The following PPDPFL variants were observed in gnomAD, a reference collection of about 807,000 sequenced individuals.
PPDPFL encodes pancreatic progenitor cell differentiation and proliferation factor-like protein.
A neutral mutation model predicts 12.6 loss-of-function variants in PPDPFL; 12 were observed. That is an observed-to-expected ratio of 0.95 (90% CI 0.61 to 1.54). The LOEUF (loss-of-function observed/expected upper bound fraction) is 1.54, where lower values mean the gene tolerates loss of function less well. Among genes scored for constraint, PPDPFL ranks in the 40% most tolerant of loss-of-function variants. PPDPFL has a pLI of 0.00. For synonymous variants in PPDPFL, 24 were observed against 32.7 expected, an observed-to-expected ratio of 0.73 and a Z score of 0.91; for missense variants, 114 against 96.0, an observed-to-expected ratio of 1.19 and a Z score of -0.78.
upstream of PPDPFL, among the ~76,000 whole-genome samples, chr8:49,067,827 C>A (rs1027945139): frequency 1.3e-5 from 2 of 152,152 alleles, no homozygotes; most frequent in Non-Finnish European, 2.9e-5. Flanking sequence ...AGGACAGCTC[C>A]ATTTTCCCTG....
At chr8:49,072,962 T>A (rs983455155) in intron 2 of PPDPFL, 77 bp downstream of exon 2, 4 of 1,277,130 alleles carry the variant, frequency 3.1e-6, no homozygotes, top group Non-Finnish European at 4.5e-6. Context: ...TTAACACAGG[T>A]ATCATGTTAC....
In PPDPFL at chr8:49,056,804, G is replaced by A. The variant is rs1217478619; in HGVS notation, c.-45+2435G>A. Among the ~76,000 whole-genome samples the A allele has an allele frequency of 3.3e-5, 5 of 152,206 alleles. No homozygotes were observed. In the East Asian group the frequency reaches 5.8e-4, roughly 18 times the overall value. The stretch of plus-strand genomic sequence containing the variant: ...TCCATTTTGTGATAGATAGAAATAC[G>A]ACAATCAGTTATCCTTTGGTATTTT... On this transcript the variant is annotated intron_variant, in intron 1 of 4. Transcript: ENST00000517663.
At chr8:49,054,962 G>A (rs1808090037) in intron 1 of PPDPFL, among the ~76,000 whole-genome samples, 1 of 152,110 alleles carries the variant, frequency 6.6e-6, no homozygotes, top group African/African-American at 2.4e-5. Flanking sequence ...TTCCGTGTGT[G>A]CTTTTAATTC....
upstream of PPDPFL, among the ~76,000 whole-genome samples, chr8:49,068,073 C>T (rs1808327318): frequency 6.6e-6 from 1 of 151,880 alleles, no homozygotes; most frequent in Non-Finnish European, 1.5e-5. Flanking sequence ...TAATTATTAC[C>T]CGAGGATGTA....
chr8:49,069,691 C>G (rs758527667), upstream of PPDPFL, among the ~76,000 whole-genome samples: 2 of 152,186 alleles, frequency 1.3e-5, no homozygotes, highest in Non-Finnish European at 2.9e-5. Flanking sequence ...AATCTCAGCA[C>G]TTTGGGAGGC....
chr8:49,075,534 G>A lies in PPDPFL; in HGVS notation c.*361G>A. ...TTAAAGTAATATGTCTTCAAATGTT[G>A]TGACTTACATAAAGTAGCTCTTTCA... is the stretch of plus-strand genomic sequence containing the variant. On this transcript the variant is annotated 3_prime_UTR_variant, in exon 5 of 5. Coordinates refer to ENST00000522267, the MANE Select transcript of PPDPFL (RefSeq NM_001256597.2). 2 of 495,356 alleles carry A rather than the reference G, an allele frequency of 4.0e-6. No homozygotes were observed. Among genetic ancestry groups the A allele is most frequent in the South Asian group, 5.7e-5 (2 of 35,180 alleles). 30.7% of individuals were successfully genotyped at this position (495,356 alleles called of 1,614,324 possible).
chr8:49,062,855 G>A (rs1298586439), intron 1 of PPDPFL, among the ~76,000 whole-genome samples: 17 of 152,160 alleles, frequency 1.1e-4, no homozygotes, highest in Admixed American at 1.1e-3. Context: ...AAATATTCAT[G>A]ATCTCTGGCC....
In PPDPFL at chr8:49,074,558, A is replaced by ATT. The variant is rs376597217; in HGVS notation, c.233+225_233+226insTT. 1.2e-4 allele frequency: 189 copies of ATT among 1,536,432 alleles called. 1 individual carries two copies. In the South Asian group the frequency reaches 2.1e-3, roughly 17 times the overall value. On this transcript the variant is annotated intron_variant, in intron 4 of 4. Coordinates refer to ENST00000522267, the MANE Select transcript of PPDPFL (RefSeq NM_001256597.2). ...ACCCTTTCCAGTTCAATCACTCAAG[A>ATT]GTGGTGGAGAAGTCATATGCCAAAC...
chr8:49,062,447 C>T (rs996495876), intron 1 of PPDPFL, among the ~76,000 whole-genome samples: 1 of 152,056 alleles, frequency 6.6e-6, no homozygotes, highest in African/African-American at 2.4e-5. Context: ...AGTGGGTGTC[C>T]TACTTAAGCT....
At chr8:49,065,813 A>C (rs1017621441) in intron 1 of PPDPFL, among the ~76,000 whole-genome samples, 1 of 152,224 alleles carries the variant, frequency 6.6e-6, no homozygotes. Context: ...GCAGCCCGGC[A>C]TCTGAAGACC....
At chr8:49,066,460 G>T (rs1808301482) in intron 1 of PPDPFL, among the ~76,000 whole-genome samples, 2 of 152,056 alleles carry the variant, frequency 1.3e-5, no homozygotes, top group South Asian at 2.1e-4. Context: ...TCTAAGCCTG[G>T]ATTTTTCCTG....
chr8:49,068,139 T>TA (rs1293047068), upstream of PPDPFL, among the ~76,000 whole-genome samples: 9 of 152,240 alleles, frequency 5.9e-5, no homozygotes, highest in Non-Finnish European at 1.2e-4. Context: ...TTTTAGAACC[T>TA]AAACTACCAT....
rs1250756521 is a variant in PPDPFL at position 49,074,218 on chromosome 8, G to A, written c.134-16G>A. 2 of 1,612,020 alleles carry A rather than the reference G, an allele frequency of 1.2e-6. No homozygotes were observed. Among genetic ancestry groups the A allele is most frequent in the Non-Finnish European group, 1.7e-6 (2 of 1,178,206 alleles). ...AAATTTGTTTGATAAGGAGTAACATGAATTTTATTTAATAGGGTTGCCTGA... is the reference window on the plus strand; with the variant it reads ...AAATTTGTTTGATAAGGAGTAACATAAATTTTATTTAATAGGGTTGCCTGA... On this transcript the variant is annotated splice_polypyrimidine_tract_variant and intron_variant, in intron 3 of 4. Coordinates refer to ENST00000522267, the MANE Select transcript of PPDPFL (RefSeq NM_001256597.2).
intron 1 of PPDPFL, among the ~76,000 whole-genome samples, chr8:49,064,407 C>T (rs1196040801): frequency 6.6e-6 from 1 of 152,132 alleles, no homozygotes; most frequent in African/African-American, 2.4e-5. Flanking sequence ...AAACTTCATC[C>T]CACTTACCTT....
chr8:49,059,737 A>T (rs552657751), intron 1 of PPDPFL, among the ~76,000 whole-genome samples: 1 of 152,350 alleles, frequency 6.6e-6, no homozygotes, highest in East Asian at 1.9e-4. Context: ...CCTGTACTTA[A>T]CTATACAGAA....
chr8:49,073,792 A>G (rs1472292175), intron 2 of PPDPFL, among the ~76,000 whole-genome samples: 1 of 152,200 alleles, frequency 6.6e-6, no homozygotes, highest in East Asian at 1.9e-4. Flanking sequence ...AACATTTATA[A>G]TACATTTTAA....
At position 49,075,543 on chromosome 8, in the gene PPDPFL, A is replaced by G. The variant is rs1808482008; in HGVS notation, c.*370A>G. 2.1e-6 allele frequency: 1 copy of G among 468,582 alleles called. No individual in the cohort carries two copies. Among genetic ancestry groups the G allele is most frequent in the Non-Finnish European group, 3.8e-6 (1 of 263,230 alleles). 29.0% of individuals were successfully genotyped at this position (468,582 alleles called of 1,614,324 possible). A position where few individuals can be genotyped will look rare whatever the true frequency, so the allele number is the denominator to read the frequency against. ...TATGTCTTCAAATGTTGTGACTTACATAAAGTAGCTCTTTCATTTTTTATA... is the reference window on the plus strand; with the variant it reads ...TATGTCTTCAAATGTTGTGACTTACGTAAAGTAGCTCTTTCATTTTTTATA... On this transcript the variant is annotated 3_prime_UTR_variant, in exon 5 of 5. Coordinates refer to ENST00000522267, the MANE Select transcript of PPDPFL (RefSeq NM_001256597.2).
intron 1 of PPDPFL, among the ~76,000 whole-genome samples, chr8:49,064,055 C>T (rs937066591): frequency 1.6e-4 from 24 of 152,100 alleles, no homozygotes; most frequent in African/African-American, 4.8e-4. Flanking sequence ...GTTACTGAAG[C>T]GCCAGATCTC....
At chr8:49,057,342 A>G (rs182919977) in intron 1 of PPDPFL, among the ~76,000 whole-genome samples, 1 of 152,312 alleles carries the variant, frequency 6.6e-6, no homozygotes, top group South Asian at 2.1e-4. Flanking sequence ...AGCCATAAGC[A>G]CTTTATCTCT....
Sources: allele counts gnomAD v4.1 joint callset (sites outside exome capture counted in the v4.1 genomes callset), GRCh38; gene constraint gnomAD v4.1.1; transcripts MANE v1.5; gene names NCBI Gene and HGNC (gene_info 2026-07-23, HGNC 2026-07-21).